The following ACBD5 variants were observed in gnomAD, a reference collection of about 807,000 sequenced individuals.
ACBD5 encodes acyl-CoA-binding domain-containing protein 5.
In ACBD5, 40 loss-of-function variants were observed where a neutral mutation model predicts 71.8. The observed-to-expected ratio is 0.56, with a 90% confidence interval of 0.43 to 0.72. The LOEUF (loss-of-function observed/expected upper bound fraction) is 0.72. Ranked by LOEUF, ACBD5 falls within the 30% of genes least tolerant of loss-of-function variation. ACBD5 has a pLI of 0.00. For synonymous variants in ACBD5, 229 were observed against 218.6 expected (o/e 1.05, Z -0.42); for missense variants, 559 against 644.5 (o/e 0.87, Z 1.44).
downstream of ACBD5, among the ~76,000 whole-genome samples, chr10:27,190,971 T>C (rs182746270): frequency 6.6e-6 from 1 of 152,234 alleles, no homozygotes; most frequent in Non-Finnish European, 1.5e-5. Context: ...ACATACTAAG[T>C]TTGAGATGTC....
chr10:27,195,639 T>G lies in ACBD5; in HGVS notation c.*1791A>C, dbSNP rs2059316107. On this transcript the variant is annotated 3_prime_UTR_variant, in exon 13 of 13. Transcript: ENST00000396271. ...AAATTCAGTTGCTTGCTTCACTTTT[T>G]CCTAAATAAATAGGGAACACTTTTT... 2.4e-6 allele frequency: 1 copy of G among 422,066 alleles called. No homozygotes were observed. Among genetic ancestry groups the G allele is most frequent in the South Asian group, 1.7e-5 (1 of 57,510 alleles). The allele number at this position is 422,066 out of a possible 1,614,324, so 26.1% of individuals were successfully genotyped here.
chr10:27,228,116 G>A (rs184025249), intron 4 of ACBD5, among the ~76,000 whole-genome samples: 1 of 151,976 alleles, frequency 6.6e-6, no homozygotes, highest in Admixed American at 6.6e-5. Flanking sequence ...GTCATCCTGG[G>A]GCATTTCTAT....
chr10:27,203,911 T>C (rs1333398725), intron 12 of ACBD5, among the ~76,000 whole-genome samples: 1 of 152,046 alleles, frequency 6.6e-6, no homozygotes, highest in Non-Finnish European at 1.5e-5. Context: ...GTGCTGGGAT[T>C]ATAGGTGTGA....
At chr10:27,201,950 A>T (rs1160522931) in intron 12 of ACBD5, among the ~76,000 whole-genome samples, 3 of 152,172 alleles carry the variant, frequency 2.0e-5, no homozygotes, top group Non-Finnish European at 4.4e-5. Context: ...CATAGACTCA[A>T]CACACATTTA....
chr10:27,202,770 C>T (rs1039356181), intron 12 of ACBD5, among the ~76,000 whole-genome samples: 1 of 151,912 alleles, frequency 6.6e-6, no homozygotes, highest in Non-Finnish European at 1.5e-5. Context: ...TAAACATCTC[C>T]CCATAAGCAG....
At position 27,240,546 on chromosome 10, in the gene ACBD5, GCGGGTCAGTTCC is replaced by G; in HGVS notation, c.16-74_16-63del. ...CAAAAGGAGGAGGCCCGGGAGCGAA[GCGGGTCAGTTCC>G]CCTTTGCCCTGCCCTATCCAGGCCA... is the stretch of plus-strand genomic sequence containing the variant. On this transcript the variant is annotated intron_variant, in intron 1 of 12. Transcript: ENST00000396271. The surrounding 1 kb of genome is among the most constrained non-coding windows in gnomAD (Gnocchi z 4.1). 6.4e-7 allele frequency: 1 copy of G among 1,551,216 alleles called. No individual in the cohort carries two copies. The highest frequency in any genetic ancestry group is 2.4e-5 in the East Asian group (1 of 40,998).
chr10:27,190,195 G>T (rs1047780751), intron 13 of ACBD5, among the ~76,000 whole-genome samples: 1 of 152,158 alleles, frequency 6.6e-6, no homozygotes, highest in Non-Finnish European at 1.5e-5. Context: ...TGAAGCTGGA[G>T]AATTGCTTGA....
At chr10:27,220,067 T>C (rs1159781489) in intron 5 of ACBD5, among the ~76,000 whole-genome samples, 1 of 152,216 alleles carries the variant, frequency 6.6e-6, no homozygotes, top group Non-Finnish European at 1.5e-5. Context: ...CAAGCTATCT[T>C]AAATCCTTTC....
rs1237130011 is a variant in ACBD5, at chr10:27,196,868, G to A, written c.*562C>T. 6.6e-6 allele frequency: 3 copies of A among 454,054 alleles called. No homozygotes were observed. In the East Asian group the frequency reaches 2.1e-4, roughly 32 times the overall value. The allele number at this position is 454,054 out of a possible 1,614,324, so 28.1% of individuals were successfully genotyped here. The stretch of plus-strand genomic sequence containing the variant: ...CCTGAACACCAAACTCAAGAGTTGT[G>A]AATGCCCAAGAAAGATTATGGGCAG... On this transcript the variant is annotated 3_prime_UTR_variant, in exon 13 of 13. Coordinates refer to ENST00000396271, the MANE Select transcript of ACBD5 (RefSeq NM_145698.5).
At chr10:27,233,729 G>A (rs1416636939) in intron 3 of ACBD5, among the ~76,000 whole-genome samples, 1 of 151,690 alleles carries the variant, frequency 6.6e-6, no homozygotes, top group Non-Finnish European at 1.5e-5. Flanking sequence ...CAAAAAAAAG[G>A]TGTGGGTTTT....
intron 11 of ACBD5, 117 bp downstream of exon 11, chr10:27,205,081 C>G (rs376737891): frequency 1.1e-6 from 1 of 940,560 alleles, no homozygotes; most frequent in Admixed American, 2.0e-5. Flanking sequence ...GAGCTGAGAT[C>G]GCACCACTGC....
chr10:27,231,899 A>G, intron 3 of ACBD5, 79 bp from the exon 4 acceptor site: 1 of 1,340,558 alleles, frequency 7.5e-7, no homozygotes, highest in Non-Finnish European at 1.1e-6. Flanking sequence ...AGTTGATGCT[A>G]TAGGGTTACT....
Position 27,196,449 on chromosome 10 carries a change from G to A in ACBD5, c.*981C>T. The A allele has an allele frequency of 4.4e-6, 2 of 454,500 alleles. No homozygotes were observed. Among genetic ancestry groups the A allele is most frequent in the South Asian group, 3.1e-5 (2 of 64,480 alleles). The allele number at this position is 454,500 out of a possible 1,614,324, so 28.2% of individuals were successfully genotyped here. On this transcript the variant is annotated 3_prime_UTR_variant, in exon 13 of 13. Coordinates refer to ENST00000396271, the MANE Select transcript of ACBD5 (RefSeq NM_145698.5). The stretch of plus-strand genomic sequence containing the variant: ...CAAATCCCTCCAGTACTCCTGTGAA[G>A]TAGGTGTATCTAAAATAGTATACCC...
intron 5 of ACBD5, 67 bp downstream of exon 5, chr10:27,223,271 G>T: frequency 8.4e-7 from 1 of 1,191,250 alleles, no homozygotes; most frequent in Non-Finnish European, 1.3e-6. Context: ...AAAAATCAGA[G>T]ATACAAATAT....
At chr10:27,238,875 C>G (rs536244584) in intron 2 of ACBD5, among the ~76,000 whole-genome samples, 50 of 152,250 alleles carry the variant, frequency 3.3e-4, no homozygotes, top group African/African-American at 1.2e-3. Context: ...AACTGTGGCA[C>G]AGTAGTAGCA....
chr10:27,205,030 G>C (rs1472484901), intron 11 of ACBD5, among the ~76,000 whole-genome samples, 168 bp downstream of exon 11: 1 of 152,128 alleles, frequency 6.6e-6, no homozygotes, highest in Non-Finnish European at 1.5e-5. Context: ...GGGAGGCTGA[G>C]GCAGGAGAAT....
chr10:27,225,472 T>G (rs1300397385), intron 4 of ACBD5, among the ~76,000 whole-genome samples: 1 of 152,182 alleles, frequency 6.6e-6, no homozygotes, highest in Non-Finnish European at 1.5e-5. Context: ...ATGTTAACAA[T>G]AACTGGTTCT....
chr10:27,240,924 C>T (rs544436324), upstream of ACBD5: 3 of 624,366 alleles, frequency 4.8e-6, no homozygotes, highest in Admixed American at 5.8e-5. The surrounding 1 kb of genome is among the most constrained non-coding windows in gnomAD (Gnocchi z 4.1). Context: ...AGGACGCGCG[C>T]GGTCCGTCTG....
intron 5 of ACBD5, chr10:27,220,245 T>G (rs1454522740): frequency 6.4e-6 from 1 of 156,184 alleles, no homozygotes. Context: ...ATATTACAGT[T>G]GGGGTCCATT....
Sources: gnomAD v4.1 joint callset for allele counts (sites outside exome capture counted in the v4.1 genomes callset) on GRCh38, gnomAD v4.1.1 for gene constraint, Gnocchi (gnomAD v3.1) non-coding constraint, MANE v1.5 for transcripts, NCBI Gene and HGNC (gene_info 2026-07-23, HGNC 2026-07-21) for gene names.